Variants in PLSCR2 observed in about 807,000 individuals in gnomAD.
The protein encoded by PLSCR2 is phospholipid scramblase 2.
A neutral mutation model predicts 25.3 loss-of-function variants in PLSCR2; 18 were observed. The observed-to-expected ratio is 0.71, with a 90% CI of 0.49 to 1.06. The LOEUF (loss-of-function observed/expected upper bound fraction) is 1.06. Ranked by LOEUF, PLSCR2 falls within the 50% of genes least tolerant of loss-of-function variation. PLSCR2 has a pLI of 0.00. For synonymous variants in PLSCR2, 88 were observed against 87.3 expected (o/e 1.01, Z -0.04); for missense variants, 243 against 269.5 (o/e 0.90, Z 0.69).
At chr3:146,481,754 A>T (rs2043138738) in intron 1 of PLSCR2, among the ~76,000 whole-genome samples, 5 of 152,236 alleles carry the variant, frequency 3.3e-5, no homozygotes, top group Admixed American at 3.3e-4. Context: ...GGAACCAAAA[A>T]AGAGACTGCA....
At chr3:146,487,582 G>A (rs1220609712) in intron 1 of PLSCR2, among the ~76,000 whole-genome samples, 3 of 151,982 alleles carry the variant, frequency 2.0e-5, no homozygotes, top group Non-Finnish European at 2.9e-5. Flanking sequence ...TTGCTACAAA[G>A]AGAATAAAAT....
chr3:146,442,602 A>G (rs1242435309), intron 6 of PLSCR2, among the ~76,000 whole-genome samples: 1 of 152,094 alleles, frequency 6.6e-6, no homozygotes, highest in Non-Finnish European at 1.5e-5. Flanking sequence ...GTACTTGCAT[A>G]GAAAGAGACA....
At chr3:146,435,519 C>T (rs2039788482) in intron 8 of PLSCR2, among the ~76,000 whole-genome samples, 1 of 152,132 alleles carries the variant, frequency 6.6e-6, no homozygotes, top group Non-Finnish European at 1.5e-5. Flanking sequence ...TCTCTGATGG[C>T]CAGAGATGAT....
exon 9 of PLSCR2, chr3:146,433,367 C>A (rs1284502983): frequency 6.6e-6 from 1 of 151,948 alleles, no homozygotes; most frequent in African/African-American, 2.4e-5. Context: ...TGTAAATATT[C>A]AATGCGAAAT....
At chr3:146,443,575 C>A (rs2040375450) in intron 6 of PLSCR2, among the ~76,000 whole-genome samples, 1 of 151,852 alleles carries the variant, frequency 6.6e-6, no homozygotes, top group Non-Finnish European at 1.5e-5. Context: ...CTTTAACGAT[C>A]CTTTGAATTT....
intron 2 of PLSCR2, among the ~76,000 whole-genome samples, chr3:146,423,685 G>T (rs554025215): frequency 6.6e-6 from 1 of 152,086 alleles, no homozygotes; most frequent in South Asian, 2.1e-4. Context: ...TTATTCAGGT[G>T]GACCAACGTA....
At chr3:146,477,784 G>T (rs1165297348) in intron 1 of PLSCR2, among the ~76,000 whole-genome samples, 1 of 152,222 alleles carries the variant, frequency 6.6e-6, no homozygotes, top group Non-Finnish European at 1.5e-5. Flanking sequence ...GCCTCTTCAA[G>T]TGAGTCTCTG....
intron 2 of PLSCR2, among the ~76,000 whole-genome samples, chr3:146,404,979 A>C (rs2038614625): frequency 6.6e-6 from 1 of 152,104 alleles, no homozygotes; most frequent in South Asian, 2.1e-4. Flanking sequence ...GCCTCAGGCA[A>C]CCCTATCCCT....
intron 1 of PLSCR2, among the ~76,000 whole-genome samples, chr3:146,466,960 T>C (rs2041899261): frequency 6.6e-6 from 1 of 152,196 alleles, no homozygotes; most frequent in Non-Finnish European, 1.5e-5. Flanking sequence ...CATGATCAAT[T>C]AGTTTTTAAC....
At chr3:146,408,311 G>A (rs146970457) in intron 2 of PLSCR2, among the ~76,000 whole-genome samples, 257 of 152,220 alleles carry the variant, frequency 1.7e-3, no homozygotes, top group African/African-American at 5.8e-3. Flanking sequence ...ACAAACAGGT[G>A]AAACGGCTTT....
intron 1 of PLSCR2, among the ~76,000 whole-genome samples, chr3:146,475,232 T>C (rs546509385): frequency 2.6e-5 from 4 of 152,194 alleles, no homozygotes; most frequent in African/African-American, 9.6e-5. Context: ...TCTGGCCTTT[T>C]GGGTTTTCAG....
chr3:146,428,564 T>C (rs543032463), downstream of PLSCR2, among the ~76,000 whole-genome samples: 69 of 152,322 alleles, frequency 4.5e-4, no homozygotes, highest in African/African-American at 1.5e-3. Context: ...TGTGTATTGC[T>C]TATCATTCTA....
At chr3:146,455,315 T>C (rs1327358157) in exon 4 of PLSCR2, 1 of 1,614,038 alleles carries the variant, frequency 6.2e-7, no homozygotes, top group South Asian at 1.1e-5. Flanking sequence ...TCGACCCACA[T>C]TATCAGTAAT....
At chr3:146,427,950 G>T (rs1248384959) in intron 2 of PLSCR2, among the ~76,000 whole-genome samples, 1 of 151,792 alleles carries the variant, frequency 6.6e-6, no homozygotes, top group Non-Finnish European at 1.5e-5. Flanking sequence ...TTTTATATTG[G>T]TTTCCCCCTC....
intron 6 of PLSCR2, among the ~76,000 whole-genome samples, chr3:146,447,298 G>A (rs369314977): frequency 9.2e-5 from 14 of 152,274 alleles, no homozygotes; most frequent in African/African-American, 3.4e-4. Flanking sequence ...GGAATGTGCT[G>A]GGCCACACCT....
intron 2 of PLSCR2, among the ~76,000 whole-genome samples, chr3:146,402,247 T>C (rs541908090): frequency 6.6e-6 from 1 of 152,048 alleles, no homozygotes; most frequent in Non-Finnish European, 1.5e-5. Context: ...GGTTTTATGA[T>C]AAAGAAAAAA....
intron 2 of PLSCR2, among the ~76,000 whole-genome samples, chr3:146,427,599 T>G (rs772309471): frequency 6.6e-6 from 1 of 152,238 alleles, no homozygotes; most frequent in Admixed American, 6.5e-5. Context: ...AGGACCGATG[T>G]GAACTCTGTC....
At chr3:146,469,392 C>T in intron 1 of PLSCR2, 103 bp downstream of exon 1, 1 of 931,068 alleles carries the variant, frequency 1.1e-6, no homozygotes. Context: ...GGGCCCTTGC[C>T]CCGCCCTCTG....
At chr3:146,483,479 GTA>G (rs56655616) in intron 1 of PLSCR2, among the ~76,000 whole-genome samples, 1,047 of 54,754 alleles carry the variant, frequency 0.019, 19 homozygotes, top group South Asian at 0.021. Context: ...ATATACATGT[GTA>G]TATATATATA....
Sources: gnomAD v4.1 joint callset for allele counts (sites outside exome capture counted in the v4.1 genomes callset) on GRCh38, gnomAD v4.1.1 for gene constraint, MANE v1.5 for transcripts, NCBI Gene and HGNC (gene_info 2026-07-23, HGNC 2026-07-21) for gene names.